DMRT1: variants seen among roughly 807,000 people sequenced by gnomAD.
DMRT1 encodes the protein doublesex and mab-3 related transcription factor 1, also known as doublesex- and mab-3-related transcription factor 1.
A neutral mutation model predicts 32.3 loss-of-function variants in DMRT1; 7 were observed. The ratio of observed to expected loss-of-function variants is 0.22; its 90% CI spans 0.12 to 0.41. The LOEUF (loss-of-function observed/expected upper bound fraction) is 0.41, where lower values mean the gene tolerates loss of function less well. Among genes scored for constraint, DMRT1 ranks in the 10% least tolerant of loss-of-function variants. The probability of loss-of-function intolerance (pLI) is 1.00; values close to 1 mark genes in which losing one functional copy is unlikely to be tolerated. For synonymous variants in DMRT1, 278 were observed against 206.1 expected, an observed-to-expected ratio of 1.35 and a Z score of -2.99; for missense variants, 625 against 500.5, an observed-to-expected ratio of 1.25 and a Z score of -2.37.
chr9:932,455 G>T (rs2129866000), intron 4 of DMRT1, among the ~76,000 whole-genome samples: 1 of 152,282 alleles, frequency 6.6e-6, no homozygotes, highest in South Asian at 2.1e-4. Flanking sequence ...TGTCTATATA[G>T]ACCATCCATA....
intron 4 of DMRT1, among the ~76,000 whole-genome samples, chr9:919,033 G>C (rs1009393619): frequency 2.0e-5 from 3 of 152,158 alleles, no homozygotes; most frequent in Non-Finnish European, 2.9e-5. Context: ...GTGGGGCTGA[G>C]GCTAGAGACA....
In DMRT1 at chr9:964,924, A is replaced by G. The variant is rs868617635; in HGVS notation, c.968-3061A>G. Among the ~76,000 whole-genome samples the G allele has an allele frequency of 2.6e-5, 4 of 152,328 alleles. No individual in the cohort carries two copies. The South Asian group carries it at 8.3e-4, about 32-fold the overall frequency. ...TGACGCTAGGAGTTAGCATTTTTAC[A>G]AAATGACCTAAGACAAGACTTTTGA... On this transcript the variant is annotated intron_variant, in intron 4 of 4. Transcript: ENST00000382276.
At chr9:901,858 C>T (rs1428869277) in intron 3 of DMRT1, among the ~76,000 whole-genome samples, 2 of 151,314 alleles carry the variant, frequency 1.3e-5, no homozygotes, top group African/African-American at 4.9e-5. Context: ...ACCCTCACTC[C>T]AAGGCTGCCC....
At chr9:901,250 C>A (rs180895879) in intron 3 of DMRT1, among the ~76,000 whole-genome samples, 2 of 152,158 alleles carry the variant, frequency 1.3e-5, no homozygotes, top group Admixed American at 1.3e-4. Context: ...CCTGGACATT[C>A]AAGTGATCTG....
At chr9:901,872 C>A (rs1017587706) in intron 3 of DMRT1, among the ~76,000 whole-genome samples, 1 of 150,998 alleles carries the variant, frequency 6.6e-6, no homozygotes, top group African/African-American at 2.5e-5. Flanking sequence ...GCTGCCCTCT[C>A]ACCCCCATGG....
intron 4 of DMRT1, among the ~76,000 whole-genome samples, chr9:933,038 G>C (rs1201425881): frequency 6.6e-6 from 1 of 151,916 alleles, no homozygotes; most frequent in East Asian, 1.9e-4. Context: ...TCAGCCTCCC[G>C]AGTGGCTGGG....
chr9:924,122 A>G (rs1209916692), intron 4 of DMRT1, among the ~76,000 whole-genome samples: 2 of 140,254 alleles, frequency 1.4e-5, no homozygotes, highest in Admixed American at 1.5e-4. Flanking sequence ...CCCAGGCTGG[A>G]GTGCAGTGGC....
At chr9:849,660 C>G (rs531141290) in intron 2 of DMRT1, among the ~76,000 whole-genome samples, 1 of 152,196 alleles carries the variant, frequency 6.6e-6, no homozygotes, top group South Asian at 2.1e-4. Context: ...CCTTCCTCAC[C>G]TGTGGAGTTG....
At chr9:912,764 A>G (rs1243391629) in intron 3 of DMRT1, among the ~76,000 whole-genome samples, 1 of 151,532 alleles carries the variant, frequency 6.6e-6, no homozygotes, top group African/African-American at 2.4e-5. Context: ...ATTGTAGAGC[A>G]CTGGTTCTCA....
chr9:916,092 C>T (rs1400801170), intron 3 of DMRT1, among the ~76,000 whole-genome samples: 1 of 152,140 alleles, frequency 6.6e-6, no homozygotes, highest in African/African-American at 2.4e-5. Flanking sequence ...GATAAAATTC[C>T]AGTTTTGCAC....
intron 2 of DMRT1, among the ~76,000 whole-genome samples, chr9:886,839 C>T (rs928435161): frequency 6.6e-6 from 1 of 152,160 alleles, no homozygotes; most frequent in Admixed American, 6.5e-5. Flanking sequence ...GCTGGCTTCT[C>T]TCTGGGGAGT....
At chr9:857,054 C>G (rs1466019337) in intron 2 of DMRT1, among the ~76,000 whole-genome samples, 1 of 152,190 alleles carries the variant, frequency 6.6e-6, no homozygotes, top group Non-Finnish European at 1.5e-5. Flanking sequence ...GTGGCTCACA[C>G]CTGTAATCCC....
intron 2 of DMRT1, among the ~76,000 whole-genome samples, chr9:847,834 A>T (rs566132037): frequency 6.6e-6 from 1 of 152,188 alleles, no homozygotes; most frequent in South Asian, 2.1e-4. Flanking sequence ...GTGGCTTTTT[A>T]AATTTAAATT....
chr9:959,591 C>G (rs1394814301), intron 4 of DMRT1, among the ~76,000 whole-genome samples: 2 of 152,156 alleles, frequency 1.3e-5, no homozygotes, highest in Non-Finnish European at 2.9e-5. Flanking sequence ...TGCAGTGGCA[C>G]TATCTTGGCT....
chr9:855,951 C>A (rs1815380603), intron 2 of DMRT1, among the ~76,000 whole-genome samples: 1 of 151,590 alleles, frequency 6.6e-6, no homozygotes, highest in Non-Finnish European at 1.5e-5. Context: ...AAGTCTTGCT[C>A]TGTCACCCAG....
Position 930,418 on chromosome 9 carries a change from T to G in DMRT1, c.967+13511T>G, listed in dbSNP as rs557947172. The stretch of plus-strand genomic sequence containing the variant: ...TGGCTATTTTTTTTATTAAAAAAAT[T>G]TTTTTTTTTTTGAGACGGAGTTTCG... On this transcript the variant is annotated intron_variant, in intron 4 of 4. Coordinates refer to ENST00000382276, the MANE Select transcript of DMRT1 (RefSeq NM_021951.3). Among the ~76,000 whole-genome samples, 1,341 of 149,692 alleles carry G rather than the reference T, an allele frequency of 9.0e-3. 19 individuals carry two copies. The highest frequency in any genetic ancestry group is 0.031 in the African/African-American group (1,270 of 40,628).
At chr9:867,418 A>T (rs1816040047) in intron 2 of DMRT1, among the ~76,000 whole-genome samples, 1 of 151,950 alleles carries the variant, frequency 6.6e-6, no homozygotes, top group Non-Finnish European at 1.5e-5. Flanking sequence ...TTAATTCTCA[A>T]CTCTTTGGCA....
chr9:960,172 AT>A (rs1456447380), intron 4 of DMRT1, among the ~76,000 whole-genome samples: 1 of 152,202 alleles, frequency 6.6e-6, no homozygotes, highest in Non-Finnish European at 1.5e-5. Flanking sequence ...CTGAAGGCCT[AT>A]ACATGATGCC....
At chr9:946,533 GC>G (rs1554761888) in intron 4 of DMRT1, among the ~76,000 whole-genome samples, 1 of 152,152 alleles carries the variant, frequency 6.6e-6, no homozygotes, top group Non-Finnish European at 1.5e-5. Context: ...CATAAGACAA[GC>G]CCCGGCATAG....
Sources: gnomAD v4.1 joint callset for allele counts (sites outside exome capture counted in the v4.1 genomes callset) on GRCh38, gnomAD v4.1.1 for gene constraint, MANE v1.5 for transcripts, NCBI Gene and HGNC (gene_info 2026-07-23, HGNC 2026-07-21) for gene names.